Variants in ADGRV1 observed in about 807,000 individuals in gnomAD.
ADGRV1 encodes G-protein coupled receptor 98.
Under a neutral mutation model 596.2 loss-of-function variants are expected in ADGRV1, and 359 were observed. The observed-to-expected ratio is 0.60, with a 90% confidence interval of 0.55 to 0.66. The LOEUF (loss-of-function observed/expected upper bound fraction) is 0.66, where lower values mean the gene tolerates loss of function less well. Ranked by LOEUF, ADGRV1 falls within the 30% of genes least tolerant of loss-of-function variation. The pLI is 0.00. For missense variants in ADGRV1, 7,274 were observed against 7,575.6 expected (o/e 0.96, Z 1.48); for synonymous variants, 2,681 against 2,679.2 (o/e 1.00, Z -0.02).
chr5:90,638,968 T>TTCAAAACCA (rs1766610004), intron 11 of ADGRV1, among the ~76,000 whole-genome samples: 1 of 151,986 alleles, frequency 6.6e-6, no homozygotes, highest in Non-Finnish European at 1.5e-5. Flanking sequence ...TTTGCTTTCT[T>TTCAAAACCA]TCAAAACCAC....
At chr5:90,957,995 G>C (rs1167619605) in intron 83 of ADGRV1, among the ~76,000 whole-genome samples, 1 of 151,922 alleles carries the variant, frequency 6.6e-6, no homozygotes, top group Admixed American at 6.6e-5. Flanking sequence ...ATTAATCAAT[G>C]TAATTAATAA....
In ADGRV1 at chr5:90,711,297, G is replaced by A. The variant is rs1332160576; in HGVS notation, c.9017G>A (p.Gly3006Glu). 1.9e-6 allele frequency: 3 copies of A among 1,611,980 alleles called. No homozygotes were observed. The highest frequency in any genetic ancestry group is 2.5e-6 in the Non-Finnish European group (3 of 1,179,032). Residue 3006 changes from glycine to glutamate, a missense_variant, in exon 41 of 90, where the codon GGG (glycine) becomes GAG (glutamate). Coordinates refer to ENST00000405460, the MANE Select transcript of ADGRV1 (RefSeq NM_032119.4). ...GCTCAGAATTTGGAAGCACAAGTGG[G>A]GCTGGATTATATCTTCACCCCAATG... ...VYAQNLEAQV[G>E]LDYIFTPMIL...
At chr5:90,779,164 T>G in intron 64 of ADGRV1, 67 bp downstream of exon 64, 1 of 936,890 alleles carries the variant, frequency 1.1e-6, no homozygotes, top group East Asian at 2.6e-5. Context: ...AGTTCTATTG[T>G]GTAGAGATTA....
chr5:91,047,042 C>G (rs549707378), intron 85 of ADGRV1, among the ~76,000 whole-genome samples: 1 of 152,160 alleles, frequency 6.6e-6, no homozygotes, highest in African/African-American at 2.4e-5. Context: ...ATGCAGTGAA[C>G]AGGAACACTT....
intron 26 of ADGRV1, among the ~76,000 whole-genome samples, chr5:90,680,558 AAG>A (rs1744806488): frequency 6.6e-6 from 1 of 152,184 alleles, no homozygotes; most frequent in African/African-American, 2.4e-5. Flanking sequence ...TTTCTTGAAG[AAG>A]AGCATTTTCT....
At chr5:90,665,861 T>A (rs943413109) in intron 21 of ADGRV1, among the ~76,000 whole-genome samples, 1 of 150,556 alleles carries the variant, frequency 6.6e-6, no homozygotes, top group African/African-American at 2.4e-5. Flanking sequence ...CTGCCTTCAT[T>A]TCGTTATGTA....
intron 89 of ADGRV1, among the ~76,000 whole-genome samples, chr5:91,154,421 C>T (rs1264594663): frequency 2.0e-5 from 3 of 152,096 alleles, no homozygotes; most frequent in African/African-American, 7.2e-5. Context: ...AAAAATACTC[C>T]AAAATTCCTA....
intron 83 of ADGRV1, among the ~76,000 whole-genome samples, chr5:90,898,113 G>C (rs541333353): frequency 4.6e-5 from 7 of 152,152 alleles, no homozygotes; most frequent in Non-Finnish European, 1.0e-4. Context: ...TATTACTTTG[G>C]AAAGTGTTTG....
chr5:90,730,110 C>G (rs958159813), intron 50 of ADGRV1, among the ~76,000 whole-genome samples: 2 of 152,152 alleles, frequency 1.3e-5, no homozygotes, highest in Admixed American at 6.5e-5. Flanking sequence ...TTGTGATCCG[C>G]CCACCCAAAG....
chr5:91,143,088 TG>T (rs1376349792), intron 87 of ADGRV1, among the ~76,000 whole-genome samples: 15 of 152,208 alleles, frequency 9.9e-5, no homozygotes, highest in Non-Finnish European at 1.6e-4. Flanking sequence ...CCACAGGCAC[TG>T]GCTGTCTGTG....
At chr5:91,070,958 A>C (rs1219353179) in intron 85 of ADGRV1, among the ~76,000 whole-genome samples, 1 of 152,196 alleles carries the variant, frequency 6.6e-6, no homozygotes. Context: ...GCCTTTAAAC[A>C]ATACCATCTC....
At chr5:90,919,265 A>G (rs1038511826) in intron 83 of ADGRV1, among the ~76,000 whole-genome samples, 1 of 152,224 alleles carries the variant, frequency 6.6e-6, no homozygotes, top group East Asian at 1.9e-4. Context: ...TCTCAGCAGC[A>G]TCTATATATT....
intron 50 of ADGRV1, among the ~76,000 whole-genome samples, chr5:90,744,429 A>G (rs1754373406): frequency 6.6e-6 from 1 of 152,228 alleles, no homozygotes; most frequent in Non-Finnish European, 1.5e-5. Context: ...TAACATGAAT[A>G]ATTCTGTCTC....
At position 91,003,441 on chromosome 5, in the gene ADGRV1, A is replaced by G. The variant is rs1782004272; in HGVS notation, c.18152+17919A>G. Among the ~76,000 whole-genome samples, 6 of 152,320 alleles carry G rather than the reference A, an allele frequency of 3.9e-5. No homozygotes were observed. In the South Asian group the frequency reaches 1.2e-3, roughly 32 times the overall value. ...CTAGAAATCCTATTCTGCTTAAAAC[A>G]CAGTCACTGGTGATATTTTATATGA... On this transcript the variant is annotated intron_variant, in intron 85 of 89. Transcript: ENST00000405460.
At chr5:90,926,610 G>T (rs1774492524) in intron 83 of ADGRV1, among the ~76,000 whole-genome samples, 3 of 151,786 alleles carry the variant, frequency 2.0e-5, no homozygotes, top group Admixed American at 2.0e-4. Flanking sequence ...ATTTTTTGAA[G>T]GGTTTTTTGT....
At chr5:90,996,721 G>A (rs139544375) in intron 85 of ADGRV1, among the ~76,000 whole-genome samples, 2 of 152,354 alleles carry the variant, frequency 1.3e-5, no homozygotes, top group Non-Finnish European at 2.9e-5. Flanking sequence ...GGCACTCAAT[G>A]CCAGCCCATG....
intron 78 of ADGRV1, among the ~76,000 whole-genome samples, chr5:90,845,225 G>A (rs1017309800): frequency 6.6e-6 from 1 of 152,110 alleles, no homozygotes. Context: ...CAAACAAAAA[G>A]AACAAGTTAG....
intron 70 of ADGRV1, among the ~76,000 whole-genome samples, chr5:90,800,197 T>C (rs1358723354): frequency 6.6e-6 from 1 of 151,856 alleles, no homozygotes; most frequent in Non-Finnish European, 1.5e-5. Flanking sequence ...AGGGCTAATA[T>C]CCAGAATCTA....
chr5:90,746,363 C>T lies in ADGRV1; in HGVS notation c.10974+568C>T, dbSNP rs140697504. 3.9e-4 allele frequency among the ~76,000 whole-genome samples: 59 copies of T among 152,190 alleles called. 1 individual carries two copies. The highest frequency in any genetic ancestry group is 1.3e-3 in the African/African-American group (56 of 41,536). ...ACTTCCGTGCCCAGATTTCATATTT[C>T]TTTATCAGCAAGCAAAAGGACATCT... is the stretch of plus-strand genomic sequence containing the variant. On this transcript the variant is annotated intron_variant, in intron 52 of 89. Transcript: ENST00000405460.
Sources: allele counts gnomAD v4.1 joint callset (sites outside exome capture counted in the v4.1 genomes callset), GRCh38; gene constraint gnomAD v4.1.1; transcripts MANE v1.5; gene names NCBI Gene and HGNC (gene_info 2026-07-23, HGNC 2026-07-21).